The following PHYH variants were observed in gnomAD, a reference collection of about 807,000 sequenced individuals.
The protein encoded by PHYH is phytanoyl-CoA dioxygenase, peroxisomal.
A neutral mutation model predicts 38.5 loss-of-function variants in PHYH; 32 were observed. The observed-to-expected ratio is 0.83, with a 90% CI of 0.63 to 1.12. The LOEUF (loss-of-function observed/expected upper bound fraction) is 1.12. Ranked by LOEUF, PHYH falls within the 50% of genes most tolerant of loss-of-function variation. PHYH has a pLI of 0.00. For missense variants in PHYH, 426 were observed against 434.8 expected (o/e 0.98, Z 0.18); for synonymous variants, 166 against 157.9 (o/e 1.05, Z -0.38).
intron 5 of PHYH, among the ~76,000 whole-genome samples, chr10:13,289,508 T>G (rs1835651033): frequency 6.6e-6 from 1 of 152,206 alleles, no homozygotes; most frequent in African/African-American, 2.4e-5. Flanking sequence ...TGCTTTATTC[T>G]TTTGTGACCC....
At chr10:13,279,374 T>C (rs1415965255) in intron 8 of PHYH, among the ~76,000 whole-genome samples, 2 of 152,208 alleles carry the variant, frequency 1.3e-5, no homozygotes, top group Non-Finnish European at 2.9e-5. Flanking sequence ...GAACATGGTA[T>C]CAAGGATTAC....
At chr10:13,280,543 A>C (rs960877368) in intron 8 of PHYH, among the ~76,000 whole-genome samples, 4 of 151,976 alleles carry the variant, frequency 2.6e-5, no homozygotes, top group Non-Finnish European at 5.9e-5. Context: ...ATGGAGTCTC[A>C]CTGTGTTTCT....
At chr10:13,295,131 TG>T (rs1233705416) in intron 3 of PHYH, 1 of 285,752 alleles carries the variant, frequency 3.5e-6, no homozygotes, top group Non-Finnish European at 6.7e-6. Context: ...AAGACCAGCC[TG>T]GGCAACATAG....
intron 8 of PHYH, among the ~76,000 whole-genome samples, chr10:13,279,659 A>G (rs1172112528): frequency 6.6e-6 from 1 of 152,198 alleles, no homozygotes; most frequent in African/African-American, 2.4e-5. Context: ...GTGCTTTTGT[A>G]CTTTACAGAG....
chr10:13,287,589 C>T (rs987023833), intron 6 of PHYH, among the ~76,000 whole-genome samples: 2 of 152,166 alleles, frequency 1.3e-5, no homozygotes, highest in African/African-American at 4.8e-5. Flanking sequence ...CAAGTTCAGG[C>T]TTGCCCTTGA....
chr10:13,288,567 G>A (rs748077583), intron 5 of PHYH, 26 bp from the exon 6 acceptor site: 5 of 1,612,006 alleles, frequency 3.1e-6, no homozygotes, highest in Non-Finnish European at 3.4e-6. Context: ...GCTACTAAAG[G>A]ATACTCGAGG....
intron 4 of PHYH, 93 bp downstream of exon 4, chr10:13,294,335 A>C: frequency 8.9e-7 from 1 of 1,126,326 alleles, no homozygotes. Flanking sequence ...GGATTACAGG[A>C]GTGAGCCACT....
At chr10:13,299,384 A>T (rs909993036) in intron 1 of PHYH, 1 of 980,222 alleles carries the variant, frequency 1.0e-6, no homozygotes, top group African/African-American at 1.8e-5. Flanking sequence ...GAGCCGAGAC[A>T]ACAGGCAAGG....
intron 4 of PHYH, among the ~76,000 whole-genome samples, chr10:13,293,312 G>GT (rs915657318): frequency 5.9e-5 from 9 of 151,328 alleles, no homozygotes; most frequent in South Asian, 2.1e-4. Flanking sequence ...TTTTGTTTTT[G>GT]TTTTTTTTGA....
intron 4 of PHYH, among the ~76,000 whole-genome samples, chr10:13,294,102 T>C (rs1464089016): frequency 6.6e-6 from 1 of 152,104 alleles, no homozygotes; most frequent in African/African-American, 2.4e-5. Flanking sequence ...CTTGGGAGGC[T>C]GGGGCAGGAT....
intron 8 of PHYH, among the ~76,000 whole-genome samples, chr10:13,279,041 C>T (rs1474261064): frequency 6.6e-6 from 1 of 151,962 alleles, no homozygotes; most frequent in Non-Finnish European, 1.5e-5. Context: ...TCTTGTTGCC[C>T]AGGCTGGAGT....
chr10:13,283,849 G>C lies in PHYH; in HGVS notation c.679-10C>G. 6.2e-7 allele frequency: 1 copy of C among 1,612,844 alleles called. No homozygotes were observed. Among genetic ancestry groups the C allele is most frequent in the Non-Finnish European group, 8.5e-7 (1 of 1,178,860 alleles). ...TTTTGTTAACTCCCCCCTAGAACAA[G>C]AGGCAAGTGAAGTCTACATTTGAGG... On this transcript the variant is annotated splice_polypyrimidine_tract_variant and intron_variant, in intron 6 of 8. Transcript: ENST00000263038.
intron 2 of PHYH, among the ~76,000 whole-genome samples, chr10:13,297,535 C>A (rs541553420): frequency 2.6e-5 from 4 of 152,090 alleles, no homozygotes; most frequent in African/African-American, 7.2e-5. Flanking sequence ...CTCACTGCAA[C>A]CTTGACTTCC....
rs918515094 is a variant in PHYH at position 13,300,064 on chromosome 10, C to G, written c.-22G>C. 1 of 1,529,304 alleles carries G rather than the reference C, an allele frequency of 6.5e-7. No homozygotes were observed. Among genetic ancestry groups the G allele is most frequent in the Non-Finnish European group, 8.7e-7 (1 of 1,143,564 alleles). 94.7% of individuals were successfully genotyped at this position (1,529,304 alleles called of 1,614,324 possible). A position where few individuals can be genotyped will look rare whatever the true frequency, so the allele number is the denominator to read the frequency against. On this transcript the variant is annotated 5_prime_UTR_variant, in exon 1 of 9. Transcript: ENST00000263038. ...CCATGGCTGCGGCGCGGGGAACCCC[C>G]ACCCCTCCCGGCCTCTGCCCCATTT...
chr10:13,293,636 CT>C (rs1835766876), intron 4 of PHYH, among the ~76,000 whole-genome samples: 1 of 151,730 alleles, frequency 6.6e-6, no homozygotes, highest in African/African-American at 2.4e-5. Context: ...TTGTTTTTTT[CT>C]TTTTTTCCAA....
intron 2 of PHYH, among the ~76,000 whole-genome samples, chr10:13,296,422 C>T (rs975617368): frequency 4.2e-4 from 63 of 151,350 alleles, no homozygotes; most frequent in African/African-American, 1.4e-3. Context: ...ACTAAAAATA[C>T]AAAAATTAGC....
At chr10:13,299,018 T>C (rs1011301740) in intron 1 of PHYH, among the ~76,000 whole-genome samples, 1 of 149,656 alleles carries the variant, frequency 6.7e-6, no homozygotes, top group Admixed American at 6.7e-5. Flanking sequence ...CGCAACCCTG[T>C]AGTCCCAACT....
At chr10:13,283,054 C>T (rs1367755472) in intron 7 of PHYH, among the ~76,000 whole-genome samples, 2 of 151,776 alleles carry the variant, frequency 1.3e-5, no homozygotes, top group African/African-American at 4.8e-5. Flanking sequence ...CTCTTGGTCC[C>T]AAGTGATCCT....
intron 1 of PHYH, 32 bp downstream of exon 1, chr10:13,299,936 C>G (rs990228038): frequency 6.6e-7 from 1 of 1,503,996 alleles, no homozygotes; most frequent in Non-Finnish European, 8.8e-7. Flanking sequence ...GGCGCCGGAT[C>G]CAGCCCGAGC....
Sources: allele counts gnomAD v4.1 joint callset (sites outside exome capture counted in the v4.1 genomes callset), GRCh38; gene constraint gnomAD v4.1.1; transcripts MANE v1.5; gene names NCBI Gene and HGNC (gene_info 2026-07-23, HGNC 2026-07-21).